The following WDR3 variants were observed in gnomAD, a reference collection of about 807,000 sequenced individuals.
WDR3 encodes WD repeat domain 3.
WDR3 carries 81 observed loss-of-function variants against 123.7 expected under a neutral mutation model. The ratio of observed to expected loss-of-function variants is 0.65; its 90% CI spans 0.55 to 0.79. WDR3 has a LOEUF of 0.79. Ranked by LOEUF, WDR3 falls within the 30% of genes least tolerant of loss-of-function variation. The pLI, the probability that WDR3 is intolerant of heterozygous loss-of-function variation, is 0.00. For synonymous variants in WDR3, 390 were observed against 388.8 expected, an observed-to-expected ratio of 1.00 and a Z score of -0.04; for missense variants, 1,027 against 1,123.2, an observed-to-expected ratio of 0.91 and a Z score of 1.22.
At chr1:117,951,466 T>C (rs1455149831) in intron 16 of WDR3, among the ~76,000 whole-genome samples, 1 of 150,944 alleles carries the variant, frequency 6.6e-6, no homozygotes, top group Non-Finnish European at 1.5e-5. Context: ...CTGTCTGTGG[T>C]CAGTGCACTA....
intron 3 of WDR3, among the ~76,000 whole-genome samples, chr1:117,935,185 G>A (rs1430773395): frequency 1.3e-5 from 2 of 152,146 alleles, no homozygotes; most frequent in African/African-American, 4.8e-5. Flanking sequence ...TCTTGAATGG[G>A]AAGACAAGGT....
chr1:117,945,014 A>G (rs1380111183), intron 11 of WDR3, among the ~76,000 whole-genome samples: 1 of 152,086 alleles, frequency 6.6e-6, no homozygotes, highest in Non-Finnish European at 1.5e-5. Context: ...TTCGTATCCC[A>G]TATTCATCCA....
chr1:117,933,661 G>A (rs1221398592), intron 2 of WDR3, 171 bp downstream of exon 2: 2 of 781,540 alleles, frequency 2.6e-6, no homozygotes, highest in Non-Finnish European at 4.3e-6. Flanking sequence ...GTTCCTTTGT[G>A]TTCTTCGCCA....
chr1:117,954,024 G>A lies in WDR3; in HGVS notation c.2286G>A (p.Glu762=), dbSNP rs769065599. 3.7e-6 allele frequency: 6 copies of A among 1,611,738 alleles called. No homozygotes were observed. The highest frequency in any genetic ancestry group is 5.1e-6 in the Non-Finnish European group (6 of 1,178,636). The change falls in exon 22 of 27, where the codon GAG becomes GAA. Residue 762 remains glutamate, a synonymous_variant. Transcript: ENST00000349139. ...ETVKAAERIM[E]AIELYREETA... is the part of the protein sequence containing the mutation. ...CTCTGTAGGCTGAGAGGATTATGGAGGCTATTGAGTTGTACCGAGAAGAAA... is the reference window on the plus strand; with the variant it reads ...CTCTGTAGGCTGAGAGGATTATGGAAGCTATTGAGTTGTACCGAGAAGAAA...
chr1:117,936,816 C>T lies in WDR3; in HGVS notation c.429C>T (p.Tyr143=), dbSNP rs775117115. ...VWDVINESGL[Y]RLKGHKDAIT... is the part of the protein sequence containing the mutation. The stretch of plus-strand genomic sequence containing the variant: ...ATGTGATCAATGAAAGTGGTCTGTA[C>T]CGTCTAAAGGGGCACAAGGATGCCA... Residue 143 remains tyrosine (Y), a synonymous_variant, in exon 4 of 27, where the codon TAC becomes TAT. Transcript: ENST00000349139. 6.2e-7 allele frequency: 1 copy of T among 1,613,086 alleles called. No individual in the cohort carries two copies. The highest frequency in any genetic ancestry group is 1.7e-5 in the Admixed American group (1 of 59,974).
In WDR3 at chr1:117,963,625, A is replaced by G. The variant is rs893823863; in HGVS notation, c.*4178A>G. On this transcript the variant is annotated 3_prime_UTR_variant, in exon 27 of 27. Transcript: ENST00000349139. ...GTGATCCACCCACCTCGGCCTCCCA[A>G]AGTGCTGGGATTACAGGTGTGAGCC... 6.4e-6 allele frequency: 3 copies of G among 466,190 alleles called. No individual in the cohort carries two copies. The highest frequency in any genetic ancestry group is 3.7e-5 in the South Asian group (1 of 26,706). The allele number at this position is 466,190 out of a possible 1,614,324, so 28.9% of individuals were successfully genotyped here. A position where few individuals can be genotyped will look rare whatever the true frequency, so the allele number is the denominator to read the frequency against.
chr1:117,936,346 A>G (rs917809158), intron 3 of WDR3, among the ~76,000 whole-genome samples: 1 of 121,770 alleles, frequency 8.2e-6, no homozygotes, highest in Non-Finnish European at 1.9e-5. Flanking sequence ...ATAACAGCAG[A>G]AGGTTGGAAA....
intron 11 of WDR3, among the ~76,000 whole-genome samples, chr1:117,945,479 C>T (rs1460722984): frequency 6.6e-6 from 1 of 152,176 alleles, no homozygotes; most frequent in Non-Finnish European, 1.5e-5. Flanking sequence ...TCTTACCCTA[C>T]TCCTTGCACT....
Position 117,941,861 on chromosome 1 carries a change from ATACT to A in WDR3, c.989+18_989+21del. 6.3e-7 allele frequency: 1 copy of A among 1,596,768 alleles called. No homozygotes were observed. Among genetic ancestry groups the A allele is most frequent in the Non-Finnish European group, 8.5e-7 (1 of 1,174,516 alleles). On this transcript the variant is annotated intron_variant, in intron 9 of 26. Coordinates refer to ENST00000349139, the MANE Select transcript of WDR3 (RefSeq NM_006784.3). ...AAAGAAAGCAAAGTATGTTTTCTTAATACTTACATTAATAATGAAGTATCCTGGG... is the reference window on the plus strand; with the variant it reads ...AAAGAAAGCAAAGTATGTTTTCTTAATACATTAATAATGAAGTATCCTGGG...
intron 25 of WDR3, among the ~76,000 whole-genome samples, chr1:117,957,895 A>C (rs1057300514): frequency 3.3e-5 from 5 of 152,254 alleles, no homozygotes; most frequent in Non-Finnish European, 5.9e-5. Flanking sequence ...CTACAGGTGC[A>C]AATGGAAATG....
chr1:117,946,315 A>G (rs1186485723), intron 12 of WDR3, 136 bp downstream of exon 12: 2 of 571,604 alleles, frequency 3.5e-6, no homozygotes, highest in African/African-American at 1.9e-5. Context: ...AGTTTATTAC[A>G]TATTTTGTTT....
At chr1:117,942,637 TTA>T in intron 10 of WDR3, 93 bp downstream of exon 10, 1 of 1,152,928 alleles carries the variant, frequency 8.7e-7, no homozygotes, top group South Asian at 1.3e-5. Flanking sequence ...TCTGTATGAA[TTA>T]TATATGTGGA....
rs58683881 is a variant in WDR3 at position 117,934,565 on chromosome 1, G to C, written c.264G>C (p.Ser88=). 1.2e-6 allele frequency: 2 copies of C among 1,614,096 alleles called. No individual in the cohort carries two copies. The highest frequency in any genetic ancestry group is 2.2e-5 in the East Asian group (1 of 44,870). Residue 88 remains serine (S), a synonymous_variant, in exon 3 of 27, where the codon TCG becomes TCC. Transcript: ENST00000349139. ...TAGCTGTTGGGTATGAGGATGGGTC[G>C]ATCCGAATCTTCAGTCTCCTGAGTG... is the stretch of plus-strand genomic sequence containing the variant. ...LHLAVGYEDG[S]IRIFSLLSGE... is the part of the protein sequence containing the mutation.
At position 117,959,797 on chromosome 1, in the gene WDR3, T is replaced by G; in HGVS notation, c.*350T>G. Reference sequence around the variant, plus strand: ...GGAGTTGAAATTAACATTTCAAAAGTTTTTCGTATTTTTTTATGGCAGATG... The same window carrying G: ...GGAGTTGAAATTAACATTTCAAAAGGTTTTCGTATTTTTTTATGGCAGATG... On this transcript the variant is annotated 3_prime_UTR_variant, in exon 27 of 27. Transcript: ENST00000349139. The G allele has an allele frequency of 6.3e-6, 1 of 159,844 alleles. No homozygotes were observed. Among genetic ancestry groups the G allele is most frequent in the Non-Finnish European group, 1.4e-5 (1 of 73,280 alleles). 9.9% of individuals were successfully genotyped at this position (159,844 alleles called of 1,614,324 possible). A position where few individuals can be genotyped will look rare whatever the true frequency, so the allele number is the denominator to read the frequency against.
At position 117,948,311 on chromosome 1, in the gene WDR3, C is replaced by T. The variant is rs191201814; in HGVS notation, c.1423-94C>T. ...TAAGCAATGGATCACATTTTTGCAGCTTGGTTATGAAGTCTTTTCTAAATT... is the reference window on the plus strand; with the variant it reads ...TAAGCAATGGATCACATTTTTGCAGTTTGGTTATGAAGTCTTTTCTAAATT... On this transcript the variant is annotated intron_variant, in intron 12 of 26. Coordinates refer to ENST00000349139, the MANE Select transcript of WDR3 (RefSeq NM_006784.3). 8.1e-4 allele frequency: 825 copies of T among 1,023,436 alleles called. 4 individuals carry two copies. In the African/African-American group the frequency reaches 0.012, roughly 15 times the overall value. The allele number at this position is 1,023,436 out of a possible 1,614,324, so 63.4% of individuals were successfully genotyped here. A position where few individuals can be genotyped will look rare whatever the true frequency, so the allele number is the denominator to read the frequency against.
At chr1:117,955,170 C>G (rs1009175528) in intron 23 of WDR3, 145 bp from the exon 24 acceptor site, 2 of 628,978 alleles carry the variant, frequency 3.2e-6, no homozygotes, top group African/African-American at 1.9e-5. Context: ...CTGACTGACT[C>G]TAAACTCATG....
chr1:117,949,889 GA>G, intron 14 of WDR3, 53 bp downstream of exon 14: 1 of 1,610,970 alleles, frequency 6.2e-7, no homozygotes, highest in Admixed American at 1.7e-5. Flanking sequence ...GGGAGCTATG[GA>G]ATGGCCTTTT....
At chr1:117,953,306 G>T (rs112978467) in intron 20 of WDR3, among the ~76,000 whole-genome samples, 170 bp from the exon 21 acceptor site, 2 of 152,078 alleles carry the variant, frequency 1.3e-5, no homozygotes, top group African/African-American at 2.4e-5. Flanking sequence ...ACATTTGCAG[G>T]ATGTTCTTAC....
Position 117,934,526 on chromosome 1 carries a change from A to G in WDR3, c.225A>G (p.Pro75=), listed in dbSNP as rs767189783. 7.4e-6 allele frequency: 12 copies of G among 1,614,052 alleles called. No individual in the cohort carries two copies. Among genetic ancestry groups the G allele is most frequent in the Admixed American group, 6.7e-5 (4 of 60,008 alleles). The change falls in exon 3 of 27, where the codon CCA becomes CCG. Residue 75 remains proline, a synonymous_variant. Coordinates refer to ENST00000349139, the MANE Select transcript of WDR3 (RefSeq NM_006784.3). The stretch of plus-strand genomic sequence containing the variant: ...AAGTTACTTGCTTATGCCCCTCCCC[A>G]GATGGGCTACACTTAGCTGTTGGGT... ...KQEVTCLCPS[P]DGLHLAVGYE...
Sources: gnomAD v4.1 joint callset for allele counts (sites outside exome capture counted in the v4.1 genomes callset) on GRCh38, gnomAD v4.1.1 for gene constraint, MANE v1.5 for transcripts, NCBI Gene and HGNC (gene_info 2026-07-23, HGNC 2026-07-21) for gene names.